Variants in MICAL3 observed in about 807,000 individuals in gnomAD.
The protein encoded by MICAL3 is [F-actin]-monooxygenase MICAL3.
MICAL3 carries 62 observed loss-of-function variants against 207.4 expected under a neutral mutation model. The ratio of observed to expected loss-of-function variants is 0.30; its 90% confidence interval spans 0.24 to 0.37. The LOEUF is 0.37. Among genes scored for constraint, MICAL3 ranks in the 10% least tolerant of loss-of-function variants. The pLI is 1.00. For missense variants in MICAL3, 2,368 were observed against 2,635.6 expected (o/e 0.90, Z 2.22); for synonymous variants, 1,077 against 1,069.3 (o/e 1.01, Z -0.14).
chr22:17,835,260 C>T (rs1467808098), intron 20 of MICAL3, among the ~76,000 whole-genome samples: 1 of 140,736 alleles, frequency 7.1e-6, no homozygotes, highest in African/African-American at 2.5e-5. Flanking sequence ...ACCACGGGAG[C>T]ACAGAAGACA....
intron 16 of MICAL3, among the ~76,000 whole-genome samples, chr22:17,878,672 G>A (rs746505641): frequency 6.6e-6 from 1 of 152,114 alleles, no homozygotes; most frequent in Non-Finnish European, 1.5e-5. Context: ...GATCTTTAAG[G>A]GTAGGAATAA....
chr22:17,834,533 A>G, intron 20 of MICAL3: 1 of 1,195,528 alleles, frequency 8.4e-7, no homozygotes, highest in Non-Finnish European at 1.1e-6. Flanking sequence ...CTGGGCAACC[A>G]TGGGGAGACC....
intron 29 of MICAL3, among the ~76,000 whole-genome samples, chr22:17,797,179 T>C (rs1601917754): frequency 6.6e-6 from 1 of 152,192 alleles, no homozygotes; most frequent in African/African-American, 2.4e-5. Context: ...GAGGCTTGAG[T>C]GCCTTGCTCA....
chr22:18,001,921 G>A (rs1923054994), intron 1 of MICAL3, among the ~76,000 whole-genome samples: 1 of 152,246 alleles, frequency 6.6e-6, no homozygotes, highest in Admixed American at 6.5e-5. Flanking sequence ...TTGTTGGCCG[G>A]GCGCGGTGGC....
intron 2 of MICAL3, 57 bp downstream of exon 2, chr22:17,906,492 G>A (rs894356250): frequency 6.2e-7 from 1 of 1,611,688 alleles, no homozygotes; most frequent in Non-Finnish European, 8.5e-7. Context: ...GCAAGACGTT[G>A]TTGAGGGAGA....
intron 29 of MICAL3, among the ~76,000 whole-genome samples, chr22:17,801,032 C>T (rs973392357): frequency 1.3e-5 from 2 of 152,082 alleles, no homozygotes; most frequent in Non-Finnish European, 2.9e-5. Flanking sequence ...TGAATTTACG[C>T]AGCATAATGG....
At chr22:17,866,118 G>A (rs1927081111) in intron 17 of MICAL3, 106 bp from the exon 18 acceptor site, 1 of 822,998 alleles carries the variant, frequency 1.2e-6, no homozygotes, top group Non-Finnish European at 2.1e-6. Context: ...GCCTCACAAG[G>A]CCATCAAGCC....
intron 1 of MICAL3, among the ~76,000 whole-genome samples, chr22:17,912,788 CTTCCT>C (rs1285320677): frequency 6.6e-6 from 1 of 152,176 alleles, no homozygotes; most frequent in African/African-American, 2.4e-5. Context: ...AGATAACTGT[CTTCCT>C]TTCCAATTTG....
In MICAL3 at chr22:17,872,002, G is replaced by T; in HGVS notation, c.2263C>A (p.Pro755Thr). 6.2e-7 allele frequency: 1 copy of T among 1,606,770 alleles called. No individual in the cohort carries two copies. Among genetic ancestry groups the T allele is most frequent in the South Asian group, 1.1e-5 (1 of 89,310 alleles). ...RRQGSMKKEF[P>T]QNLGGSDTCY... Reference sequence around the variant, plus strand: ...GTGTCGCTGCCTCCCAGGTTCTGCGGGAACTCCTTCTTCATGGAGCCCTGC... The same window carrying T: ...GTGTCGCTGCCTCCCAGGTTCTGCGTGAACTCCTTCTTCATGGAGCCCTGC... Residue 755 changes from proline to threonine, a missense_variant, in exon 17 of 32, where the codon CCG (proline) becomes ACG (threonine). Physicochemically the swap from Pro to Thr is conservative, Grantham distance 38. Coordinates refer to ENST00000441493, the MANE Select transcript of MICAL3 (RefSeq NM_015241.3).
intron 19 of MICAL3, chr22:17,862,928 G>A (rs1926673570): frequency 2.0e-6 from 2 of 985,232 alleles, no homozygotes; most frequent in Non-Finnish European, 2.4e-6. Flanking sequence ...TTGAACTCCC[G>A]TGCTATACCA....
intron 24 of MICAL3, 111 bp downstream of exon 24, chr22:17,821,919 G>T: frequency 7.4e-7 from 1 of 1,348,218 alleles, no homozygotes; most frequent in Non-Finnish European, 1.0e-6. Flanking sequence ...CTCGGAGGCT[G>T]GTGTGCACCA....
At chr22:17,952,994 A>G (rs908346927) in intron 1 of MICAL3, among the ~76,000 whole-genome samples, 9 of 152,168 alleles carry the variant, frequency 5.9e-5, no homozygotes, top group Non-Finnish European at 2.9e-5. Context: ...CACAACAGCA[A>G]CTCTGCCTCC....
intron 19 of MICAL3, chr22:17,861,020 T>TTCACACATCA (rs1172900736): frequency 1.0e-6 from 1 of 985,244 alleles, no homozygotes; most frequent in African/African-American, 1.7e-5. Flanking sequence ...TATATAAACA[T>TTCACACATCA]TCACACATCA....
intron 1 of MICAL3, among the ~76,000 whole-genome samples, chr22:17,996,134 TAAAAAAAAAA>T (rs35369164): frequency 1.7e-3 from 156 of 93,620 alleles, no homozygotes; most frequent in Non-Finnish European, 2.4e-3. Context: ...TGTCTCAATT[TAAAAAAAAAA>T]AAAAAAAAAA....
At chr22:17,940,283 T>C (rs1031329853) in intron 1 of MICAL3, among the ~76,000 whole-genome samples, 3 of 152,204 alleles carry the variant, frequency 2.0e-5, no homozygotes, top group Admixed American at 2.0e-4. Context: ...CATGCACCTG[T>C]AGCCCCAGCT....
chr22:17,822,111 C>G lies in MICAL3; in HGVS notation c.3367G>C (p.Ala1123Pro). The G allele has an allele frequency of 3.1e-6, 5 of 1,613,940 alleles. No homozygotes were observed. Among genetic ancestry groups the G allele is most frequent in the Non-Finnish European group, 4.2e-6 (5 of 1,179,900 alleles). Reference protein sequence around the residue: ...ADRELRLPCPAEGEAELELRV... With the variant: ...ADRELRLPCPPEGEAELELRV... Reference sequence around the variant, plus strand: ...AGCTCCAGCTCTGCTTCCCCCTCAGCTGGGCACGGCAAACGCAGCTCTCTG... The same window carrying G: ...AGCTCCAGCTCTGCTTCCCCCTCAGGTGGGCACGGCAAACGCAGCTCTCTG... Residue 1123 changes from alanine (A) to proline (P), a missense_variant, in exon 24 of 32, where the codon GCT becomes CCT. By Grantham distance (27) the Ala-to-Pro change is conservative. This residue lies in a region of MICAL3 where 1,770 missense variants were observed against 1,863.2 expected (regional missense o/e 0.95). Transcript: ENST00000441493.
chr22:17,945,766 T>C lies in MICAL3; in HGVS notation c.-74-38880A>G, dbSNP rs557256305. ...CATCAAAGACTACAGCCAAAGCTTC[T>C]CTTCTGCCCAGAGAGCAGAGAAAGA... On this transcript the variant is annotated intron_variant, in intron 1 of 31. Coordinates refer to ENST00000441493, the MANE Select transcript of MICAL3 (RefSeq NM_015241.3). Among the ~76,000 whole-genome samples, 5 of 152,006 alleles carry C rather than the reference T, an allele frequency of 3.3e-5. No homozygotes were observed. In the East Asian group the frequency reaches 7.7e-4, roughly 24 times the overall value.
chr22:17,795,099 T>C (rs991877357), intron 29 of MICAL3, among the ~76,000 whole-genome samples: 41 of 152,356 alleles, frequency 2.7e-4, no homozygotes, highest in African/African-American at 8.7e-4. Flanking sequence ...GCACACTGAA[T>C]CTGCTATTGG....
At chr22:17,965,886 A>G (rs1476050798) in intron 1 of MICAL3, among the ~76,000 whole-genome samples, 1 of 152,214 alleles carries the variant, frequency 6.6e-6, no homozygotes, top group East Asian at 1.9e-4. Flanking sequence ...CAACCTCCAC[A>G]TTCTATGCCT....
Sources: gnomAD v4.1 joint callset for allele counts (sites outside exome capture counted in the v4.1 genomes callset) on GRCh38, gnomAD v4.1.1 for gene constraint, gnomAD v4.1.1 regional missense constraint, MANE v1.5 for transcripts, NCBI Gene and HGNC (gene_info 2026-07-23, HGNC 2026-07-21) for gene names.